Variants in TMEM135 observed in about 807,000 individuals in gnomAD.
The protein encoded by TMEM135 is transmembrane protein 135.
TMEM135 carries 30 observed loss-of-function variants against 60.3 expected under a neutral mutation model. That is an observed-to-expected ratio of 0.50 (90% confidence interval 0.37 to 0.68). The LOEUF (loss-of-function observed/expected upper bound fraction) is 0.68, where lower values mean the gene tolerates loss of function less well. Ranked by LOEUF, TMEM135 falls within the 30% of genes least tolerant of loss-of-function variation. The probability of loss-of-function intolerance (pLI) is 0.00; values close to 1 mark genes in which losing one functional copy is unlikely to be tolerated. For missense variants in TMEM135, 468 were observed against 548.8 expected, an observed-to-expected ratio of 0.85 and a Z score of 1.47; for synonymous variants, 190 against 186.7, an observed-to-expected ratio of 1.02 and a Z score of -0.14.
At chr11:87,307,390 A>C (rs1942568397) in intron 9 of TMEM135, among the ~76,000 whole-genome samples, 1 of 151,922 alleles carries the variant, frequency 6.6e-6, no homozygotes, top group East Asian at 1.9e-4. Flanking sequence ...CAAAAAAAAA[A>C]AAAAAGTAAC....
chr11:87,306,483 G>A (rs1233697429), intron 9 of TMEM135, among the ~76,000 whole-genome samples: 2 of 151,076 alleles, frequency 1.3e-5, no homozygotes, highest in African/African-American at 4.9e-5. Context: ...TTTTTTTTAA[G>A]CCATTGAGAT....
At chr11:87,215,898 GCTAT>G (rs1940490146) in intron 5 of TMEM135, among the ~76,000 whole-genome samples, 1 of 152,070 alleles carries the variant, frequency 6.6e-6, no homozygotes, top group Non-Finnish European at 1.5e-5. Context: ...TGAATTTCCT[GCTAT>G]CTAATAGCCT....
chr11:87,289,731 C>T (rs1942233307), intron 6 of TMEM135, among the ~76,000 whole-genome samples: 1 of 152,156 alleles, frequency 6.6e-6, no homozygotes, highest in Admixed American at 6.5e-5. Flanking sequence ...GCTGGGATTA[C>T]AGGTGTGAGC....
intron 5 of TMEM135, among the ~76,000 whole-genome samples, chr11:87,213,708 G>C (rs1398060362): frequency 1.3e-5 from 2 of 152,072 alleles, no homozygotes; most frequent in African/African-American, 4.8e-5. Context: ...GTTCTCTACT[G>C]AATCTCCAGA....
intron 4 of TMEM135, among the ~76,000 whole-genome samples, chr11:87,105,451 G>A (rs952816766): frequency 3.3e-5 from 5 of 152,016 alleles, no homozygotes; most frequent in East Asian, 1.9e-4. Flanking sequence ...GACCCACCCC[G>A]CCCTGCATCC....
chr11:87,110,786 G>GTA (rs1699633120), intron 4 of TMEM135, among the ~76,000 whole-genome samples: 1 of 152,050 alleles, frequency 6.6e-6, no homozygotes, highest in Admixed American at 6.6e-5. Flanking sequence ...GTGTGTGTGT[G>GTA]TGTGATGAAT....
At chr11:87,228,730 T>G (rs2135364881) in intron 5 of TMEM135, among the ~76,000 whole-genome samples, 1 of 152,304 alleles carries the variant, frequency 6.6e-6, no homozygotes, top group African/African-American at 2.4e-5. Context: ...TGGGAAATAG[T>G]TAAATGTACC....
rs1591032206 is a variant in TMEM135, at chr11:87,118,314, G to GTTCTT, written c.396+26924_396+26928dup. 2.0e-5 allele frequency among the ~76,000 whole-genome samples: 3 copies of GTTCTT among 152,280 alleles called. No homozygotes were observed. In the East Asian group the frequency reaches 5.8e-4, roughly 29 times the overall value. ...CTAAAGGTTTGAAGCCAGGCATTGA[G>GTTCTT]TTCTTTTCTCTAGCTGCGAAAGTCA... On this transcript the variant is annotated intron_variant, in intron 4 of 14. Coordinates refer to ENST00000305494, the MANE Select transcript of TMEM135 (RefSeq NM_022918.4).
chr11:87,102,637 A>G (rs1337923780), intron 4 of TMEM135, among the ~76,000 whole-genome samples: 3 of 150,228 alleles, frequency 2.0e-5, no homozygotes, highest in East Asian at 1.9e-4. Context: ...TTGACAAGTC[A>G]TAATTGTATA....
intron 7 of TMEM135, among the ~76,000 whole-genome samples, chr11:87,298,803 A>C (rs1034491418): frequency 7.3e-6 from 1 of 136,070 alleles, no homozygotes; most frequent in Non-Finnish European, 1.6e-5. Context: ...AAAAAAAAAA[A>C]ACAGCCGGGC....
At chr11:87,172,964 C>A (rs892187583) in intron 5 of TMEM135, among the ~76,000 whole-genome samples, 1 of 151,696 alleles carries the variant, frequency 6.6e-6, no homozygotes, top group Non-Finnish European at 1.5e-5. Context: ...TCCAACATTA[C>A]TAAAATTATT....
chr11:87,155,146 G>A (rs1021115320), intron 4 of TMEM135, among the ~76,000 whole-genome samples: 4 of 152,148 alleles, frequency 2.6e-5, no homozygotes, highest in Admixed American at 6.5e-5. Context: ...GTACAGGCAT[G>A]TGCCACCAAG....
At chr11:87,137,259 C>G (rs2135240320) in intron 4 of TMEM135, among the ~76,000 whole-genome samples, 1 of 123,956 alleles carries the variant, frequency 8.1e-6, no homozygotes, top group South Asian at 2.6e-4. Flanking sequence ...CACTCTATGC[C>G]TATATCTAAA....
chr11:87,059,248 A>T (rs927759294), intron 1 of TMEM135, among the ~76,000 whole-genome samples: 1 of 151,598 alleles, frequency 6.6e-6, no homozygotes, highest in Non-Finnish European at 1.5e-5. Flanking sequence ...TAGAAAAAAA[A>T]TACAGGAGGT....
At chr11:87,216,913 A>G (rs1818824990) in intron 5 of TMEM135, among the ~76,000 whole-genome samples, 1 of 152,190 alleles carries the variant, frequency 6.6e-6, no homozygotes. Flanking sequence ...TACAAAATTA[A>G]GGGCTTATTT....
At chr11:87,201,950 TTTATGTTATGTTATGTTATG>T (rs71040298) in intron 5 of TMEM135, among the ~76,000 whole-genome samples, 7 of 137,926 alleles carry the variant, frequency 5.1e-5, no homozygotes, top group East Asian at 4.3e-4. Flanking sequence ...GTATTTATTT[TTTATGTTATGTTATGTTATG>T]TTATGTTATG....
chr11:87,166,260 G>A (rs1056470225), intron 5 of TMEM135, among the ~76,000 whole-genome samples: 2 of 151,634 alleles, frequency 1.3e-5, no homozygotes, highest in African/African-American at 4.9e-5. Context: ...TAGGTTGCCT[G>A]TTTGCTCTGA....
intron 5 of TMEM135, among the ~76,000 whole-genome samples, chr11:87,210,281 A>G (rs1165305424): frequency 3.3e-5 from 5 of 152,184 alleles, no homozygotes; most frequent in Non-Finnish European, 5.9e-5. Context: ...AGATTAATAA[A>G]GAAACAAAAA....
intron 14 of TMEM135, among the ~76,000 whole-genome samples, chr11:87,320,044 A>G (rs1259247390): frequency 2.6e-5 from 4 of 152,218 alleles, no homozygotes; most frequent in Admixed American, 6.5e-5. Flanking sequence ...GCGCTGGGTA[A>G]ATTGCATGTA....
Sources: gnomAD v4.1 joint callset for allele counts (sites outside exome capture counted in the v4.1 genomes callset) on GRCh38, gnomAD v4.1.1 for gene constraint, MANE v1.5 for transcripts, NCBI Gene and HGNC (gene_info 2026-07-23, HGNC 2026-07-21) for gene names.